Variants in SLC14A2 observed in about 807,000 individuals in gnomAD.
SLC14A2 encodes the protein solute carrier family 14 member 2.
In SLC14A2, 91 loss-of-function variants were observed where a neutral mutation model predicts 104.6. The observed-to-expected ratio is 0.87, with a 90% CI of 0.73 to 1.04. SLC14A2 has a LOEUF of 1.04. Among genes scored for constraint, SLC14A2 ranks in the 50% least tolerant of loss-of-function variants. The pLI, the probability that SLC14A2 is intolerant of heterozygous loss-of-function variation, is 0.00. For synonymous variants in SLC14A2, 476 were observed against 466.4 expected (o/e 1.02, Z -0.27); for missense variants, 1,189 against 1,156.0 (o/e 1.03, Z -0.41).
intron 1 of SLC14A2, among the ~76,000 whole-genome samples, chr18:45,386,089 A>T (rs926735727): frequency 2.0e-5 from 3 of 152,152 alleles, no homozygotes; most frequent in African/African-American, 7.2e-5. Flanking sequence ...ACGAACAAGG[A>T]TGATTCAAAT....
chr18:45,277,658 C>G (rs895197312), intron 1 of SLC14A2, among the ~76,000 whole-genome samples: 1 of 152,186 alleles, frequency 6.6e-6, no homozygotes. Context: ...ATCCACCCAC[C>G]TTGGCCTCCC....
chr18:45,306,417 G>A (rs1166289527), intron 1 of SLC14A2, among the ~76,000 whole-genome samples: 2 of 152,152 alleles, frequency 1.3e-5, no homozygotes, highest in Non-Finnish European at 2.9e-5. Context: ...GAGGGTGCAG[G>A]AGCCATTCAG....
chr18:45,489,503 T>C (rs1239899740), intron 2 of SLC14A2, among the ~76,000 whole-genome samples: 1 of 152,142 alleles, frequency 6.6e-6, no homozygotes, highest in Non-Finnish European at 1.5e-5. Flanking sequence ...AGAGCAAGAC[T>C]CTGTCTCAAA....
chr18:45,289,543 T>C (rs1379877003), intron 1 of SLC14A2, among the ~76,000 whole-genome samples: 1 of 152,196 alleles, frequency 6.6e-6, no homozygotes, highest in Non-Finnish European at 1.5e-5. Flanking sequence ...TTCCTTACTG[T>C]CTCCCCATCC....
chr18:45,669,465 CA>C lies in SLC14A2; in HGVS notation c.2198del (p.Asn733ThrfsTer13). 6.2e-7 allele frequency: 1 copy of C among 1,613,986 alleles called. No homozygotes were observed. The highest frequency in any genetic ancestry group is 8.5e-7 in the Non-Finnish European group (1 of 1,179,896). On this transcript the variant is annotated frameshift_variant, in exon 16 of 20. Transcript: ENST00000255226. LOFTEE classifies it high-confidence loss of function. ...TLLQPASAMP[N>X]ITWSEVQVPL... ...TGCTGCAGCCTGCATCCGCCATGCC[CA>C]ACATCACCTGGTCAGAGGTCCAAGT... is the stretch of plus-strand genomic sequence containing the variant.
At chr18:45,387,089 C>T (rs1173233059) in intron 1 of SLC14A2, among the ~76,000 whole-genome samples, 2 of 152,190 alleles carry the variant, frequency 1.3e-5, no homozygotes, top group African/African-American at 4.8e-5. Context: ...CTACTACTTC[C>T]ATTGGGCCCT....
chr18:45,483,910 G>A (rs766370386), intron 2 of SLC14A2, among the ~76,000 whole-genome samples: 6 of 152,130 alleles, frequency 3.9e-5, no homozygotes, highest in South Asian at 4.1e-4. Context: ...AGATGGATGC[G>A]CTGGCATCAG....
At chr18:45,190,299 A>C in the SLC14A2 span, among the ~76,000 whole-genome samples, 1 of 152,194 alleles carries the variant, frequency 6.6e-6, no homozygotes, top group Non-Finnish European at 1.5e-5. Context: ...AGTTCTCAAA[A>C]TCCTTTTCTG....
intron 1 of SLC14A2, among the ~76,000 whole-genome samples, chr18:45,349,149 T>C (rs1192456906): frequency 1.3e-5 from 2 of 152,274 alleles, no homozygotes; most frequent in African/African-American, 4.8e-5. Context: ...AGGTGCTTCC[T>C]GTTCCTTGTC....
chr18:45,194,803 GC>G, the SLC14A2 span, among the ~76,000 whole-genome samples: 1 of 151,660 alleles, frequency 6.6e-6, no homozygotes, highest in Non-Finnish European at 1.5e-5. Flanking sequence ...CTGCCATCAT[GC>G]CGGCTAATTT....
intron 1 of SLC14A2, among the ~76,000 whole-genome samples, chr18:45,276,725 A>G (rs749307963): frequency 1.3e-5 from 2 of 152,262 alleles, no homozygotes; most frequent in Non-Finnish European, 2.9e-5. Flanking sequence ...TAACTGAATT[A>G]TCATCAAGTA....
At chr18:45,173,947 CA>C in the SLC14A2 span, among the ~76,000 whole-genome samples, 1 of 152,062 alleles carries the variant, frequency 6.6e-6, no homozygotes. Context: ...AGATTAAGAT[CA>C]AAGTCACCTG....
the SLC14A2 span, among the ~76,000 whole-genome samples, chr18:45,181,931 G>A: frequency 6.6e-6 from 1 of 151,902 alleles, no homozygotes; most frequent in Non-Finnish European, 1.5e-5. Context: ...TTAAAAACTT[G>A]GGTTAAGAGG....
chr18:45,318,537 C>T (rs1212019580), intron 1 of SLC14A2, among the ~76,000 whole-genome samples: 2 of 152,124 alleles, frequency 1.3e-5, no homozygotes, highest in African/African-American at 4.8e-5. Flanking sequence ...CCTGTAATCC[C>T]AGCACTCTGG....
the SLC14A2 span, among the ~76,000 whole-genome samples, chr18:45,206,070 G>A: frequency 1.3e-5 from 2 of 152,338 alleles, no homozygotes; most frequent in Non-Finnish European, 2.9e-5. Context: ...GAGGAGCAAA[G>A]TGTGTTGTTT....
chr18:45,431,785 C>G (rs2086519513), intron 1 of SLC14A2, among the ~76,000 whole-genome samples: 1 of 152,188 alleles, frequency 6.6e-6, no homozygotes, highest in African/African-American at 2.4e-5. Context: ...TTGCAGAGAA[C>G]TGGGCTTTGC....
chr18:45,590,164 G>A (rs1233961516), intron 2 of SLC14A2, among the ~76,000 whole-genome samples: 4 of 152,200 alleles, frequency 2.6e-5, no homozygotes, highest in Non-Finnish European at 4.4e-5. Context: ...GAAAGAGGGA[G>A]TAACTTGCCC....
intron 1 of SLC14A2, among the ~76,000 whole-genome samples, chr18:45,261,975 A>G (rs564822594): frequency 5.9e-5 from 9 of 152,332 alleles, no homozygotes; most frequent in African/African-American, 9.6e-5. Context: ...TCCCTGAGGA[A>G]TCGCCCCACT....
At chr18:45,554,652 G>A (rs970899864) in intron 2 of SLC14A2, among the ~76,000 whole-genome samples, 11 of 152,126 alleles carry the variant, frequency 7.2e-5, no homozygotes, top group African/African-American at 2.7e-4. Flanking sequence ...TGCTGGGAAG[G>A]ATGGGGGTGT....
Sources: gnomAD v4.1 joint callset for allele counts (sites outside exome capture counted in the v4.1 genomes callset) on GRCh38, gnomAD v4.1.1 for gene constraint, MANE v1.5 for transcripts, NCBI Gene and HGNC (gene_info 2026-07-23, HGNC 2026-07-21) for gene names.